ZNF503: variants seen among roughly 807,000 people sequenced by gnomAD.
ZNF503 encodes the protein NocA-like zinc finger 2.
In ZNF503, 15 loss-of-function variants were observed where a neutral mutation model predicts 34.4. The observed-to-expected ratio is 0.44, with a 90% CI of 0.29 to 0.67. The LOEUF (loss-of-function observed/expected upper bound fraction) is 0.67, where lower values mean the gene tolerates loss of function less well. Among genes scored for constraint, ZNF503 ranks in the 30% least tolerant of loss-of-function variants. The pLI is 0.13. For missense variants in ZNF503, 1,007 were observed against 926.8 expected (o/e 1.09, Z -1.12); for synonymous variants, 580 against 456.8 (o/e 1.27, Z -3.44).
downstream of ZNF503, among the ~76,000 whole-genome samples, chr10:75,397,607 G>A (rs1300830760): frequency 2.6e-5 from 4 of 152,248 alleles, no homozygotes; most frequent in African/African-American, 7.2e-5. Context: ...GATAGCGGAG[G>A]ACACTATTTT....
At chr10:75,317,034 A>G in the ZNF503 span, among the ~76,000 whole-genome samples, 1 of 152,068 alleles carries the variant, frequency 6.6e-6, no homozygotes, top group Admixed American at 6.6e-5. Context: ...CTCAAACTCC[A>G]GGGTTCAAGC....
chr10:75,347,112 T>G, the ZNF503 span, among the ~76,000 whole-genome samples: 1 of 152,226 alleles, frequency 6.6e-6, no homozygotes, highest in Non-Finnish European at 1.5e-5. Context: ...ATGAGTTATA[T>G]ACACATAAAA....
At chr10:75,353,463 G>A in the ZNF503 span, among the ~76,000 whole-genome samples, 5 of 152,310 alleles carry the variant, frequency 3.3e-5, no homozygotes, top group East Asian at 3.9e-4. Context: ...AGGGCAGTGC[G>A]GCCAGGACCC....
At chr10:75,400,465 C>T (rs1184188944) in intron 1 of ZNF503, 91 bp from the exon 2 acceptor site, 3 of 1,457,812 alleles carry the variant, frequency 2.1e-6, no homozygotes, top group African/African-American at 1.4e-5. Flanking sequence ...AAATGCCTCT[C>T]CGCAACAGCC....
chr10:75,362,711 C>T, the ZNF503 span, among the ~76,000 whole-genome samples: 1 of 152,164 alleles, frequency 6.6e-6, no homozygotes, highest in Non-Finnish European at 1.5e-5. Flanking sequence ...TGGTCTTGCT[C>T]AGGAACCAGA....
the ZNF503 span, among the ~76,000 whole-genome samples, chr10:75,315,355 G>A: frequency 6.6e-6 from 1 of 152,140 alleles, no homozygotes; most frequent in African/African-American, 2.4e-5. Flanking sequence ...GTGAGACCCT[G>A]TCTCAAAACA....
the ZNF503 span, among the ~76,000 whole-genome samples, chr10:75,311,891 C>A: frequency 9.4e-4 from 143 of 152,114 alleles, 1 homozygote; most frequent in African/African-American, 2.9e-3. Flanking sequence ...GCGTGCACCA[C>A]CACACCCAGC....
At chr10:75,378,827 A>G in the ZNF503 span, among the ~76,000 whole-genome samples, 3 of 152,088 alleles carry the variant, frequency 2.0e-5, no homozygotes, top group African/African-American at 7.2e-5. Flanking sequence ...GAAAGAGGGA[A>G]GGCCCCACAA....
chr10:75,377,005 A>C, the ZNF503 span, among the ~76,000 whole-genome samples: 6 of 152,332 alleles, frequency 3.9e-5, no homozygotes, highest in South Asian at 2.1e-4. Flanking sequence ...AGGTGTTCTC[A>C]AAGTGTGGTT....
Position 75,398,933 on chromosome 10 carries a change from G to T in ZNF503, c.1757C>A (p.Thr586Lys). The T allele has an allele frequency of 1.3e-6, 2 of 1,591,442 alleles. No homozygotes were observed. Residue 586 changes from threonine (T) to lysine (K), a missense_variant, in exon 2 of 2, where the codon ACG becomes AAG. Thr to Lys is a moderately conservative substitution (Grantham distance 78, BLOSUM62 -1). Transcript: ENST00000372524. ...PTSGAPGSPG[T>K]LALRSPHHAL... is the part of the protein sequence containing the mutation. ...GTGGTGGGGGCTGCGCAGCGCCAGC[G>T]TCCCAGGGCTGCCCGGTGCGCCCGA... is the stretch of plus-strand genomic sequence containing the variant.
At chr10:75,317,270 T>G in the ZNF503 span, among the ~76,000 whole-genome samples, 1 of 50,710 alleles carries the variant, frequency 2.0e-5, no homozygotes, top group East Asian at 2.9e-4. Flanking sequence ...ACGTCTTTTT[T>G]TTTTTTTTTT....
At chr10:75,367,207 G>A in the ZNF503 span, among the ~76,000 whole-genome samples, 100 of 152,132 alleles carry the variant, frequency 6.6e-4, no homozygotes, top group African/African-American at 2.1e-3. Context: ...TCAGGAAATT[G>A]TCTCTCTACC....
At chr10:75,340,355 G>A in the ZNF503 span, among the ~76,000 whole-genome samples, 1 of 152,200 alleles carries the variant, frequency 6.6e-6, no homozygotes, top group Admixed American at 6.5e-5. Context: ...CATTTGGGCA[G>A]TATCAAAGTC....
chr10:75,398,715 CCCT>C lies in ZNF503; in HGVS notation c.*31_*33del. ...CCCTGGACTCCTCCCCTCCCCCTCT[CCCT>C]CCTCTCCCTCGCTCGCCCTCCCGGC... On this transcript the variant is annotated 3_prime_UTR_variant, in exon 2 of 2. Transcript: ENST00000372524. The C allele has an allele frequency of 7.4e-7, 1 of 1,354,172 alleles. No homozygotes were observed. The highest frequency in any genetic ancestry group is 2.1e-5 in the South Asian group (1 of 48,300). 83.9% of individuals were successfully genotyped at this position (1,354,172 alleles called of 1,614,324 possible).
chr10:75,393,489 T>C (rs189415015), downstream of ZNF503, among the ~76,000 whole-genome samples: 1 of 152,286 alleles, frequency 6.6e-6, no homozygotes, highest in East Asian at 1.9e-4. Context: ...CATGAGGTGA[T>C]CATTGTTGAG....
chr10:75,313,357 T>C, the ZNF503 span, among the ~76,000 whole-genome samples: 3 of 152,204 alleles, frequency 2.0e-5, no homozygotes, highest in Admixed American at 2.0e-4. Flanking sequence ...ATTAGATTCA[T>C]GTCACCCCTC....
At position 75,398,026 on chromosome 10, in the gene ZNF503, C is replaced by CTTT. The variant is rs199688202; in HGVS notation, c.*720_*722dup. On this transcript the variant is annotated 3_prime_UTR_variant, in exon 2 of 2. Coordinates refer to ENST00000372524, the MANE Select transcript of ZNF503 (RefSeq NM_032772.6). ...TTTTGGAATAGAATTTTTTCTTTTT[C>CTTT]TTTTTTTTTTTGTTGTTTTCTTCCA... 8 of 145,010 alleles carry CTTT rather than the reference C, an allele frequency of 5.5e-5. No individual in the cohort carries two copies. The highest frequency in any genetic ancestry group is 1.1e-4 in the Non-Finnish European group (7 of 65,430). 9.0% of individuals were successfully genotyped at this position (145,010 alleles called of 1,614,324 possible).
the ZNF503 span, among the ~76,000 whole-genome samples, chr10:75,319,489 A>C: frequency 6.6e-6 from 1 of 152,206 alleles, no homozygotes; most frequent in Non-Finnish European, 1.5e-5. Context: ...TAAAAAAGCT[A>C]TACAAAGAGT....
chr10:75,301,485 C>T, the ZNF503 span, among the ~76,000 whole-genome samples: 1 of 152,230 alleles, frequency 6.6e-6, no homozygotes, highest in Non-Finnish European at 1.5e-5. Flanking sequence ...AGGCAATCCA[C>T]CCACCTTGGC....
Sources: allele counts gnomAD v4.1 joint callset (sites outside exome capture counted in the v4.1 genomes callset), GRCh38; gene constraint gnomAD v4.1.1; transcripts MANE v1.5; gene names NCBI Gene and HGNC (gene_info 2026-07-23, HGNC 2026-07-21).